The following CNTNAP4 variants were observed in gnomAD, a reference collection of about 807,000 sequenced individuals.
CNTNAP4 encodes contactin associated protein family member 4.
A neutral mutation model predicts 148.4 loss-of-function variants in CNTNAP4; 98 were observed. The observed-to-expected ratio is 0.66, with a 90% CI of 0.56 to 0.78. The LOEUF (loss-of-function observed/expected upper bound fraction) is 0.78, where lower values mean the gene tolerates loss of function less well. Among genes scored for constraint, CNTNAP4 ranks in the 30% least tolerant of loss-of-function variants. CNTNAP4 has a pLI of 0.00. For missense variants in CNTNAP4, 1,935 were observed against 1,565.6 expected (o/e 1.24, Z -3.98); for synonymous variants, 730 against 565.1 (o/e 1.29, Z -4.14).
At chr16:76,548,990 T>C (rs1438348433) in intron 21 of CNTNAP4, among the ~76,000 whole-genome samples, 1 of 152,114 alleles carries the variant, frequency 6.6e-6, no homozygotes, top group Non-Finnish European at 1.5e-5. Flanking sequence ...GCTGAGTTGC[T>C]TGTAGTTTCC....
intron 1 of CNTNAP4, chr16:76,309,931 C>T (rs757204409): frequency 5.7e-6 from 4 of 701,442 alleles, no homozygotes; most frequent in Non-Finnish European, 1.0e-5. Context: ...GTCTCTTTTT[C>T]TTCCCCGTCT....
At position 76,494,894 on chromosome 16, in the gene CNTNAP4, C is replaced by T; in HGVS notation, c.2081-16C>T. On this transcript the variant is annotated splice_polypyrimidine_tract_variant and intron_variant, in intron 13 of 23. Transcript: ENST00000611870. The stretch of plus-strand genomic sequence containing the variant: ...AACATAAAACAGATGTCACATTTTT[C>T]ACGTTTTTCTTTCAGATGGAACCCC... The T allele has an allele frequency of 4.4e-6, 7 of 1,608,306 alleles. No individual in the cohort carries two copies. The highest frequency in any genetic ancestry group is 5.9e-6 in the Non-Finnish European group (7 of 1,176,882).
intron 3 of CNTNAP4, among the ~76,000 whole-genome samples, chr16:76,392,956 C>T (rs1264787681): frequency 6.6e-6 from 1 of 152,166 alleles, no homozygotes; most frequent in Non-Finnish European, 1.5e-5. Flanking sequence ...TTGCATCTTG[C>T]CTCACCTGAG....
chr16:76,278,406 T>A (rs1175409119), intron 1 of CNTNAP4, among the ~76,000 whole-genome samples: 1 of 152,206 alleles, frequency 6.6e-6, no homozygotes, highest in African/African-American at 2.4e-5. Context: ...AAAGTAGGAT[T>A]CCTTTGTGGT....
chr16:76,307,318 T>C (rs979136087), intron 1 of CNTNAP4, among the ~76,000 whole-genome samples: 1 of 151,754 alleles, frequency 6.6e-6, no homozygotes, highest in African/African-American at 2.4e-5. Context: ...ACGATATAAA[T>C]ACACAACTAC....
At chr16:76,403,324 A>G (rs2078485705) in intron 3 of CNTNAP4, among the ~76,000 whole-genome samples, 1 of 151,950 alleles carries the variant, frequency 6.6e-6, no homozygotes, top group African/African-American at 2.4e-5. Flanking sequence ...CGATCTCCTG[A>G]CCTCGTGATC....
intron 3 of CNTNAP4, among the ~76,000 whole-genome samples, chr16:76,407,267 G>T (rs2144886840): frequency 6.6e-6 from 1 of 152,170 alleles, no homozygotes; most frequent in African/African-American, 2.4e-5. Context: ...TAGTCTGCCT[G>T]CCTTGGCCTC....
chr16:76,405,187 C>G (rs1428959400), intron 3 of CNTNAP4, among the ~76,000 whole-genome samples: 1 of 152,126 alleles, frequency 6.6e-6, no homozygotes, highest in Non-Finnish European at 1.5e-5. Flanking sequence ...CACTATGACA[C>G]TTATAAACAC....
chr16:76,384,331 C>G (rs77651661), intron 3 of CNTNAP4, among the ~76,000 whole-genome samples: 2 of 151,986 alleles, frequency 1.3e-5, no homozygotes, highest in Non-Finnish European at 2.9e-5. Context: ...CTTGAGCCAC[C>G]GCGCCCAGCC....
chr16:76,484,058 T>C (rs575566029), intron 12 of CNTNAP4, among the ~76,000 whole-genome samples: 6 of 151,180 alleles, frequency 4.0e-5, no homozygotes, highest in Non-Finnish European at 8.8e-5. Context: ...TTTTTTATAT[T>C]ACATAGCAAA....
chr16:76,291,215 G>A, intron 1 of CNTNAP4, among the ~76,000 whole-genome samples: 1 of 152,090 alleles, frequency 6.6e-6, no homozygotes, highest in East Asian at 1.9e-4. Flanking sequence ...TCAGTATTGG[G>A]AAACAATTTT....
intron 3 of CNTNAP4, among the ~76,000 whole-genome samples, chr16:76,417,748 T>C (rs2079038953): frequency 6.6e-6 from 1 of 151,714 alleles, no homozygotes; most frequent in African/African-American, 2.4e-5. Flanking sequence ...TCCTTTTGTC[T>C]GAATAACTTC....
At chr16:76,537,571 G>A (rs1426956756) in intron 18 of CNTNAP4, among the ~76,000 whole-genome samples, 1 of 152,056 alleles carries the variant, frequency 6.6e-6, no homozygotes, top group Non-Finnish European at 1.5e-5. Flanking sequence ...TGTTGATCCT[G>A]TTTCCCTGTA....
chr16:76,449,566 G>C (rs2080375769), intron 6 of CNTNAP4, 149 bp from the exon 7 acceptor site: 2 of 611,060 alleles, frequency 3.3e-6, no homozygotes, highest in Admixed American at 7.7e-5. Flanking sequence ...ACATAAATTT[G>C]TTTTAAATCT....
At chr16:76,551,927 G>A (rs2084967200) in intron 21 of CNTNAP4, among the ~76,000 whole-genome samples, 1 of 152,160 alleles carries the variant, frequency 6.6e-6, no homozygotes. Flanking sequence ...CAGTGCAGGG[G>A]AGAATAGTTG....
intron 3 of CNTNAP4, among the ~76,000 whole-genome samples, chr16:76,390,495 T>G (rs2016879603): frequency 6.6e-6 from 1 of 151,756 alleles, no homozygotes; most frequent in Non-Finnish European, 1.5e-5. Context: ...GTTTCTTGTC[T>G]CATCAGGCGT....
At chr16:76,461,867 A>C in intron 8 of CNTNAP4, 89 bp from the exon 9 acceptor site, 1 of 1,069,094 alleles carries the variant, frequency 9.4e-7, no homozygotes, top group Non-Finnish European at 1.4e-6. Flanking sequence ...TACTGTAGCC[A>C]ATTGAGTGAT....
At chr16:76,317,907 G>A (rs527797906) in intron 2 of CNTNAP4, among the ~76,000 whole-genome samples, 41 of 152,304 alleles carry the variant, frequency 2.7e-4, no homozygotes, top group African/African-American at 9.9e-4. Flanking sequence ...AGTGGAGAGT[G>A]AGAACTGAGA....
intron 3 of CNTNAP4, among the ~76,000 whole-genome samples, chr16:76,408,412 A>ACAGTTGTTAATCTATTAACAATTAT (rs2078679486): frequency 6.6e-6 from 1 of 151,410 alleles, no homozygotes; most frequent in African/African-American, 2.4e-5. Flanking sequence ...TTAACAATTA[A>ACAGTTGTTAATCTATTAACAATTAT]CAACCACCAC....
Sources: allele counts gnomAD v4.1 joint callset (sites outside exome capture counted in the v4.1 genomes callset), GRCh38; gene constraint gnomAD v4.1.1; transcripts MANE v1.5; gene names NCBI Gene and HGNC (gene_info 2026-07-23, HGNC 2026-07-21).